Variants in N4BP2 observed in about 807,000 individuals in gnomAD.
N4BP2 encodes the protein NEDD4-binding protein 2.
Under a neutral mutation model 152.8 loss-of-function variants are expected in N4BP2, and 91 were observed. The observed-to-expected ratio is 0.60, with a 90% CI of 0.50 to 0.71. The LOEUF is 0.71. Among genes scored for constraint, N4BP2 ranks in the 30% least tolerant of loss-of-function variants. The pLI, the probability that N4BP2 is intolerant of heterozygous loss-of-function variation, is 0.00. For missense variants in N4BP2, 1,923 were observed against 2,059.1 expected, an observed-to-expected ratio of 0.93 and a Z score of 1.28; for synonymous variants, 646 against 705.3, an observed-to-expected ratio of 0.92 and a Z score of 1.33.
At chr4:40,131,293 A>G (rs796575357) in intron 12 of N4BP2, among the ~76,000 whole-genome samples, 3 of 152,324 alleles carry the variant, frequency 2.0e-5, no homozygotes, top group Admixed American at 6.5e-5. Flanking sequence ...TGCTTTGGCC[A>G]CTAAGAGTCT....
rs146761792 is a variant in N4BP2, at chr4:40,136,892, C to T, written c.4647-52C>T. The stretch of plus-strand genomic sequence containing the variant: ...GAAGATTGCTTGTGTTAATGTCCCA[C>T]ACAACTTATTTTCATTTATTGACAT... On this transcript the variant is annotated intron_variant, in intron 13 of 17. Coordinates refer to ENST00000261435, the MANE Select transcript of N4BP2 (RefSeq NM_018177.6). 148 of 1,402,428 alleles carry T rather than the reference C, an allele frequency of 1.1e-4. No individual in the cohort carries two copies. The African/African-American group carries it at 1.8e-3, about 17-fold the overall frequency. The allele number at this position is 1,402,428 out of a possible 1,614,324, so 86.9% of individuals were successfully genotyped here.
chr4:40,102,677 C>T lies in N4BP2; in HGVS notation c.832C>T (p.Gln278Ter), dbSNP rs1273127138. Reference sequence around the variant, plus strand: ...TTTAGAATCTGAGTGCGTTGAGGCTCAATTCTCTGAAGCTCCTGTAGATTT... The same window carrying T: ...TTTAGAATCTGAGTGCGTTGAGGCTTAATTCTCTGAAGCTCCTGTAGATTT... ...ELLESECVEA[Q>*]FSEAPVDLDA... Residue 278 changes from glutamine to a stop codon, truncating the protein, a stop_gained, in exon 4 of 18, where the codon CAA (glutamine) becomes TAA (stop). Transcript: ENST00000261435. LOFTEE classifies it high-confidence loss of function. 1.2e-6 allele frequency: 2 copies of T among 1,614,196 alleles called. No homozygotes were observed. Among genetic ancestry groups the T allele is most frequent in the Non-Finnish European group, 1.7e-6 (2 of 1,180,050 alleles).
intron 2 of N4BP2, among the ~76,000 whole-genome samples, chr4:40,078,698 T>C (rs7675671): frequency 0.29 from 44,363 of 151,396 alleles, 6,768 homozygotes; most frequent in South Asian, 0.48. Context: ...GCTTATTGTT[T>C]TGTATTTTTT....
intron 1 of N4BP2, among the ~76,000 whole-genome samples, chr4:40,068,617 T>G (rs931554392): frequency 6.6e-6 from 1 of 152,188 alleles, no homozygotes; most frequent in African/African-American, 2.4e-5. Context: ...GAAGATCATT[T>G]GATCACATAT....
downstream of N4BP2, among the ~76,000 whole-genome samples, chr4:40,158,940 G>A (rs1427738299): frequency 2.0e-5 from 3 of 152,138 alleles, no homozygotes; most frequent in South Asian, 2.1e-4. Flanking sequence ...GGGTAAATGC[G>A]ATAGAGCTTT....
chr4:40,138,650 T>C (rs767067923), intron 14 of N4BP2, among the ~76,000 whole-genome samples: 2 of 152,244 alleles, frequency 1.3e-5, no homozygotes, highest in Non-Finnish European at 2.9e-5. Context: ...TACCATTTGT[T>C]ACAAAGACTA....
At chr4:40,086,724 A>G (rs1027053049) in intron 2 of N4BP2, among the ~76,000 whole-genome samples, 3 of 151,888 alleles carry the variant, frequency 2.0e-5, no homozygotes, top group East Asian at 3.8e-4. Flanking sequence ...TTCTAATTAT[A>G]TATATTATAT....
At chr4:40,136,699 A>ATACT (rs1719440358) in intron 13 of N4BP2, among the ~76,000 whole-genome samples, 1 of 151,952 alleles carries the variant, frequency 6.6e-6, no homozygotes, top group African/African-American at 2.4e-5. Flanking sequence ...AATTACCAAT[A>ATACT]TACTATCTTT....
Position 40,102,306 on chromosome 4 carries a change from ACTCTT to A in N4BP2, c.465_469del (p.Ser156Ter). 6.2e-7 allele frequency: 1 copy of A among 1,612,944 alleles called. No homozygotes were observed. Among genetic ancestry groups the A allele is most frequent in the Non-Finnish European group, 8.5e-7 (1 of 1,179,574 alleles). On this transcript the variant is annotated frameshift_variant, in exon 4 of 18. Coordinates refer to ENST00000261435, the MANE Select transcript of N4BP2 (RefSeq NM_018177.6). LOFTEE classifies it high-confidence loss of function. ...ATACAGAATGCTTTTGAGAAATTGA[ACTCTT>A]CTCCTGATGACCAAGTATACTCATT...
intron 2 of N4BP2, among the ~76,000 whole-genome samples, chr4:40,079,211 T>A (rs553158011): frequency 9.8e-4 from 149 of 152,296 alleles, no homozygotes; most frequent in African/African-American, 3.4e-3. Context: ...CATAAGCCAC[T>A]GTGCCTGTCC....
chr4:40,086,258 T>C (rs1340986424), intron 2 of N4BP2, among the ~76,000 whole-genome samples: 1 of 151,602 alleles, frequency 6.6e-6, no homozygotes, highest in Non-Finnish European at 1.5e-5. Context: ...CCTGGACAAG[T>C]CCAGGAGTTT....
chr4:40,131,182 T>C (rs1560626849), intron 12 of N4BP2, among the ~76,000 whole-genome samples: 1 of 152,176 alleles, frequency 6.6e-6, no homozygotes, highest in Non-Finnish European at 1.5e-5. Context: ...TGAGGACCCA[T>C]GGGGAAATTT....
intron 2 of N4BP2, among the ~76,000 whole-genome samples, chr4:40,089,907 TAATATTTCTGTA>T (rs143365308): frequency 0.035 from 5,302 of 152,280 alleles, 337 homozygotes; most frequent in African/African-American, 0.12. Flanking sequence ...CATTGCGAGT[TAATATTTCTGTA>T]AATATTTCTG....
intron 11 of N4BP2, among the ~76,000 whole-genome samples, chr4:40,125,905 A>T (rs1560621817): frequency 7.0e-6 from 1 of 143,278 alleles, no homozygotes; most frequent in African/African-American, 2.6e-5. Context: ...AAAAAAAAAA[A>T]ATTATACACA....
At chr4:40,068,409 C>G (rs1321205760) in intron 1 of N4BP2, among the ~76,000 whole-genome samples, 1 of 152,174 alleles carries the variant, frequency 6.6e-6, no homozygotes, top group Non-Finnish European at 1.5e-5. Context: ...TGTCATGAAG[C>G]TTTCTCCCCG....
At position 40,121,305 on chromosome 4, in the gene N4BP2, C is replaced by A; in HGVS notation, c.3194C>A (p.Ala1065Glu). 6.2e-7 allele frequency: 1 copy of A among 1,613,912 alleles called. No homozygotes were observed. Among genetic ancestry groups the A allele is most frequent in the Non-Finnish European group, 8.5e-7 (1 of 1,179,966 alleles). ...AACACAAAATCAGACGTTCAAGAAG[C>A]AATTCCATATAGAGTAATGTATGAT... ...NINTKSDVQEAIPYRVMYDKS... is the reference protein window; with the variant it reads ...NINTKSDVQEEIPYRVMYDKS... The change falls in exon 9 of 18, where the codon GCA becomes GAA. Residue 1065 changes from alanine to glutamate, a missense_variant. Coordinates refer to ENST00000261435, the MANE Select transcript of N4BP2 (RefSeq NM_018177.6).
At chr4:40,148,733 TCCC>T (rs1199166781) in intron 16 of N4BP2, among the ~76,000 whole-genome samples, 1 of 152,226 alleles carries the variant, frequency 6.6e-6, no homozygotes, top group Non-Finnish European at 1.5e-5. Context: ...CAAGTGATCC[TCCC>T]ACCTTGGCCT....
intron 2 of N4BP2, among the ~76,000 whole-genome samples, chr4:40,078,655 A>G (rs1713032585): frequency 6.6e-6 from 1 of 151,562 alleles, no homozygotes; most frequent in South Asian, 2.1e-4. Flanking sequence ...CTTCCCAAGT[A>G]GCTGGGACTA....
Position 40,126,237 on chromosome 4 carries a change from A to G in N4BP2, c.4434A>G (p.Leu1478=), listed in dbSNP as rs772290643. Residue 1478 remains leucine (L), a synonymous_variant, in exon 12 of 18, where the codon CTA becomes CTG. Transcript: ENST00000261435. ...LLKTLTASEM[L]PLLDHWNTQT... is the part of the protein sequence containing the mutation. The stretch of plus-strand genomic sequence containing the variant: ...AGACTTTAACAGCATCTGAAATGCT[A>G]CCTTTATTGGATCATTGGAATACTC... The G allele has an allele frequency of 1.2e-6, 2 of 1,606,066 alleles. No homozygotes were observed. Among genetic ancestry groups the G allele is most frequent in the Non-Finnish European group, 1.7e-6 (2 of 1,174,888 alleles).
Sources: gnomAD v4.1 joint callset for allele counts (sites outside exome capture counted in the v4.1 genomes callset) on GRCh38, gnomAD v4.1.1 for gene constraint, MANE v1.5 for transcripts, NCBI Gene and HGNC (gene_info 2026-07-23, HGNC 2026-07-21) for gene names.